CCDC197: variants seen among roughly 807,000 people sequenced by gnomAD.
CCDC197 encodes the protein uncharacterized protein CCDC197.
In CCDC197, 24 loss-of-function variants were observed where a neutral mutation model predicts 13.4. The ratio of observed to expected loss-of-function variants is 1.80; its 90% CI spans 1.30 to 2.53. CCDC197 has a LOEUF of 2.53. Ranked by LOEUF, CCDC197 falls within the 30% of genes most tolerant of loss-of-function variation. CCDC197 has a pLI of 0.00. For synonymous variants in CCDC197, 99 were observed against 55.5 expected, an observed-to-expected ratio of 1.78 and a Z score of -3.48; for missense variants, 255 against 148.8, an observed-to-expected ratio of 1.71 and a Z score of -3.71.
upstream of CCDC197, among the ~76,000 whole-genome samples, chr14:93,992,733 A>AGAACT (rs1452538585): frequency 6.6e-6 from 1 of 152,206 alleles, no homozygotes; most frequent in Non-Finnish European, 1.5e-5. Flanking sequence ...CTGTCTTGGG[A>AGAACT]GAACTGAGCT....
intron 1 of CCDC197, among the ~76,000 whole-genome samples, chr14:93,987,929 C>A (rs960868287): frequency 2.1e-5 from 1 of 46,900 alleles, no homozygotes; most frequent in African/African-American, 8.4e-5. Context: ...GAGGACAGCG[C>A]GGGAGGGAGG....
At chr14:94,009,220 C>T (rs773714555), downstream of CCDC197, among the ~76,000 whole-genome samples, 2 of 152,164 alleles carry the variant, frequency 1.3e-5, no homozygotes, top group Non-Finnish European at 2.9e-5. Flanking sequence ...GCCATGGGAT[C>T]GATGGGAGTT....
rs1055119258 is a variant in CCDC197 at position 93,998,004 on chromosome 14, GA to G, written c.-127del. 22 of 652,250 alleles carry G rather than the reference GA, an allele frequency of 3.4e-5. No individual in the cohort carries two copies. Among genetic ancestry groups the G allele is most frequent in the South Asian group, 1.2e-4 (7 of 56,520 alleles). 40.4% of individuals were successfully genotyped at this position (652,250 alleles called of 1,614,324 possible). On this transcript the variant is annotated 5_prime_UTR_variant, in exon 2 of 7. It removes an upstream start codon present in the reference 5' UTR. Transcript: ENST00000636493. ...TCTGTCTCCTTTTCTGTGAGGTGGG[GA>G]TGCTAACCCTGGCTTCCAAGGATCT...
chr14:94,006,576 C>G lies in CCDC197; in HGVS notation c.615+1605C>G, dbSNP rs994382105. ...TTCACCATGTTGGCCAGGCTGGTCT[C>G]GAACTCCTGACCTCAAGTGATCCAC... On this transcript the variant is annotated intron_variant, in intron 6 of 6. Transcript: ENST00000636493. Among the ~76,000 whole-genome samples, 3 of 150,726 alleles carry G rather than the reference C, an allele frequency of 2.0e-5. No homozygotes were observed. The East Asian group carries it at 6.0e-4, about 30-fold the overall frequency.
rs1039086899 is a variant in CCDC197, at chr14:93,998,056, T to A, written c.-76T>A. ...GAAGAGGAAGCTGCGGCTGTGACTG[T>A]CCCTTTTCGGTCTGTCTTCATCCTG... On this transcript the variant is annotated 5_prime_UTR_variant, in exon 2 of 7. Coordinates refer to ENST00000636493, the MANE Select transcript of CCDC197 (RefSeq NM_001351596.2). 42 of 762,528 alleles carry A rather than the reference T, an allele frequency of 5.5e-5. No individual in the cohort carries two copies. Among genetic ancestry groups the A allele is most frequent in the Non-Finnish European group, 9.8e-5 (40 of 409,044 alleles). The allele number at this position is 762,528 out of a possible 1,614,324, so 47.2% of individuals were successfully genotyped here.
chr14:93,991,244 G>A (rs1409915833), intron 1 of CCDC197, among the ~76,000 whole-genome samples: 1 of 152,214 alleles, frequency 6.6e-6, no homozygotes, highest in African/African-American at 2.4e-5. Flanking sequence ...GGAGGCTACC[G>A]TGGGAGGGGA....
Position 94,001,273 on chromosome 14 carries a change from G to T in CCDC197, c.316G>T (p.Val106Phe). 1.3e-6 allele frequency: 1 copy of T among 780,688 alleles called. No individual in the cohort carries two copies. Among genetic ancestry groups the T allele is most frequent in the Non-Finnish European group, 2.4e-6 (1 of 417,978 alleles). The allele number at this position is 780,688 out of a possible 1,614,324, so 48.4% of individuals were successfully genotyped here. Residue 106 changes from valine (V) to phenylalanine (F), a missense_variant, in exon 4 of 7, where the codon GTC becomes TTC. Transcript: ENST00000636493. ...GGCCTTCTGCCAGATGATCCAGGCT[G>T]TCCACCGGAGCCTGGAGTCTCTGGA... The part of the protein sequence containing the change: ...LEAFCQMIQA[V>F]HRSLESLEED...
chr14:94,008,991 GGGATCCA>G, downstream of CCDC197: 1 of 555,632 alleles, frequency 1.8e-6, no homozygotes, highest in Non-Finnish European at 3.2e-6. Context: ...GGGATTGGCA[GGGATCCA>G]GGTAAGGCCT....
intron 5 of CCDC197, among the ~76,000 whole-genome samples, chr14:94,004,413 T>C (rs983611368): frequency 3.3e-5 from 5 of 152,268 alleles, no homozygotes; most frequent in South Asian, 2.1e-4. Context: ...TTGGGGGCTA[T>C]TGGCTGCTGA....
chr14:94,011,533 C>A (rs1466031025), downstream of CCDC197, among the ~76,000 whole-genome samples: 3 of 152,238 alleles, frequency 2.0e-5, no homozygotes, highest in Non-Finnish European at 4.4e-5. Context: ...TGGTAAGTAC[C>A]AGAATGCTGT....
At chr14:93,997,032 C>G (rs1890336588), upstream of CCDC197, among the ~76,000 whole-genome samples, 1 of 152,180 alleles carries the variant, frequency 6.6e-6, no homozygotes, top group African/African-American at 2.4e-5. Flanking sequence ...CGGGACAGGT[C>G]AATTGGAACT....
chr14:93,989,251 G>C (rs1326931194), intron 1 of CCDC197, among the ~76,000 whole-genome samples: 13 of 152,110 alleles, frequency 8.5e-5, no homozygotes, highest in Admixed American at 8.5e-4. Flanking sequence ...CTTTAACGCT[G>C]TCCCAGACAC....
chr14:94,003,563 CCAGA>C lies in CCDC197; in HGVS notation c.498+212_498+215del, dbSNP rs779336231. On this transcript the variant is annotated intron_variant, in intron 5 of 6. Coordinates refer to ENST00000636493, the MANE Select transcript of CCDC197 (RefSeq NM_001351596.2). This position sits in a 1 kb window ranked among gnomAD's most constrained non-coding sequence, Gnocchi z 5.0. ...CAGACACATAGACACACAGACACAA[CCAGA>C]CATATAGACAGACCCAGCCAGACAC... Among the ~76,000 whole-genome samples the C allele has an allele frequency of 1.1e-4, 17 of 151,128 alleles. No individual in the cohort carries two copies. Among genetic ancestry groups the C allele is most frequent in the Admixed American group, 6.6e-4 (10 of 15,182 alleles).
chr14:94,010,094 G>A (rs185661424), downstream of CCDC197, among the ~76,000 whole-genome samples: 3 of 152,356 alleles, frequency 2.0e-5, no homozygotes, highest in East Asian at 3.9e-4. Flanking sequence ...TGGGGGATAA[G>A]TCAGGCTTGG....
At position 93,999,529 on chromosome 14, in the gene CCDC197, G is replaced by A. The variant is rs74074310; in HGVS notation, c.105-54G>A. 3.5e-3 allele frequency: 2,725 copies of A among 777,062 alleles called. 47 individuals carry two copies. In the African/African-American group the frequency reaches 0.039, roughly 11 times the overall value. The allele number at this position is 777,062 out of a possible 1,614,324, so 48.1% of individuals were successfully genotyped here. Reference sequence around the variant, plus strand: ...GGGTGGTCCAGGTTCATTCACAGGGGGTCCTGCGTGACCTGGGAGCCTCCA... The same window carrying A: ...GGGTGGTCCAGGTTCATTCACAGGGAGTCCTGCGTGACCTGGGAGCCTCCA... On this transcript the variant is annotated intron_variant, in intron 2 of 6. Transcript: ENST00000636493.
chr14:94,008,926 G>A (rs1354965152), downstream of CCDC197: 1 of 609,538 alleles, frequency 1.6e-6, no homozygotes, highest in East Asian at 2.8e-5. Context: ...GGCATTGAGG[G>A]GGTGGTCAGG....
At position 94,003,555 on chromosome 14, in the gene CCDC197, A is replaced by C. The variant is rs1389320777; in HGVS notation, c.498+201A>C. 6.6e-6 allele frequency among the ~76,000 whole-genome samples: 1 copy of C among 151,772 alleles called. No homozygotes were observed. The highest frequency in any genetic ancestry group is 1.5e-5 in the Non-Finnish European group (1 of 67,884). Reference sequence around the variant, plus strand: ...GTCACAGCCAGACACATAGACACACAGACACAACCAGACATATAGACAGAC... The same window carrying C: ...GTCACAGCCAGACACATAGACACACCGACACAACCAGACATATAGACAGAC... On this transcript the variant is annotated intron_variant, in intron 5 of 6. Coordinates refer to ENST00000636493, the MANE Select transcript of CCDC197 (RefSeq NM_001351596.2). The surrounding 1 kb of genome is among the most constrained non-coding windows in gnomAD (Gnocchi z 5.0).
intron 1 of CCDC197, among the ~76,000 whole-genome samples, chr14:93,992,011 C>A (rs1349569092): frequency 3.3e-5 from 5 of 152,240 alleles, no homozygotes; most frequent in Non-Finnish European, 7.3e-5. Context: ...AGTGTTAAGT[C>A]TTCAGGCATT....
In CCDC197 at chr14:94,001,524, C is replaced by A; in HGVS notation, c.366+201C>A. 5.9e-6 allele frequency: 3 copies of A among 511,434 alleles called. 1 individual carries two copies. In the South Asian group the frequency reaches 8.5e-5, roughly 14 times the overall value. 31.7% of individuals were successfully genotyped at this position (511,434 alleles called of 1,614,324 possible). A position where few individuals can be genotyped will look rare whatever the true frequency, so the allele number is the denominator to read the frequency against. On this transcript the variant is annotated intron_variant, in intron 4 of 6. Coordinates refer to ENST00000636493, the MANE Select transcript of CCDC197 (RefSeq NM_001351596.2). ...CTGCTGCCTGAGGCTCAGCTCGTGC[C>A]TAACGTTGTTCTGCGTGGTAGAAAA...
Sources: allele counts gnomAD v4.1 joint callset (sites outside exome capture counted in the v4.1 genomes callset), GRCh38; gene constraint gnomAD v4.1.1; non-coding constraint Gnocchi (gnomAD v3.1); transcripts MANE v1.5; gene names NCBI Gene and HGNC (gene_info 2026-07-23, HGNC 2026-07-21).